Variants in THAP4 observed in about 807,000 individuals in gnomAD.
THAP4 encodes the protein THAP domain containing 4.
THAP4 carries 18 observed loss-of-function variants against 48.1 expected under a neutral mutation model. The observed-to-expected ratio is 0.37, with a 90% CI of 0.26 to 0.56. The LOEUF is 0.56. THAP4 is among the 20% of genes least tolerant of loss of function. The pLI, the probability that THAP4 is intolerant of heterozygous loss-of-function variation, is 0.78. For missense variants in THAP4, 656 were observed against 774.9 expected, an observed-to-expected ratio of 0.85 and a Z score of 1.82; for synonymous variants, 345 against 324.9, an observed-to-expected ratio of 1.06 and a Z score of -0.66.
chr2:241,607,078 C>T (rs1444690048), intron 2 of THAP4, among the ~76,000 whole-genome samples: 17 of 152,078 alleles, frequency 1.1e-4, no homozygotes, highest in Admixed American at 1.1e-3. Context: ...CCCCGCTTCC[C>T]TGAGGAGGGG....
chr2:241,636,064 G>A, intron 1 of THAP4, among the ~76,000 whole-genome samples: 1 of 152,088 alleles, frequency 6.6e-6, no homozygotes, highest in East Asian at 1.9e-4. Context: ...AAAACTTCTA[G>A]GACACAAGCT....
chr2:241,634,291 C>A (rs2067609814), intron 1 of THAP4, among the ~76,000 whole-genome samples: 1 of 152,222 alleles, frequency 6.6e-6, no homozygotes. Context: ...TCTACCCATA[C>A]AGAGCTTATA....
chr2:241,589,069 C>T (rs1002624154), intron 5 of THAP4, among the ~76,000 whole-genome samples: 3 of 151,980 alleles, frequency 2.0e-5, no homozygotes, highest in Non-Finnish European at 4.4e-5. Flanking sequence ...AAAAATTAGC[C>T]GGCCATGGTG....
At chr2:241,614,318 C>T (rs527778384) in intron 2 of THAP4, among the ~76,000 whole-genome samples, 3 of 152,214 alleles carry the variant, frequency 2.0e-5, no homozygotes, top group African/African-American at 7.2e-5. Context: ...CTTAGCATCA[C>T]GTAAAATGCA....
At chr2:241,604,369 G>A (rs1381778995) in intron 3 of THAP4, among the ~76,000 whole-genome samples, 25 of 152,016 alleles carry the variant, frequency 1.6e-4, no homozygotes. Flanking sequence ...TCCTGCCTCA[G>A]CCTTACCGAG....
At chr2:241,608,219 G>C (rs1180104754) in intron 2 of THAP4, among the ~76,000 whole-genome samples, 1 of 152,190 alleles carries the variant, frequency 6.6e-6, no homozygotes, top group Non-Finnish European at 1.5e-5. Flanking sequence ...GCCTGGCCCA[G>C]TGGCCGAGCC....
chr2:241,611,061 T>C (rs1448199370), intron 2 of THAP4, among the ~76,000 whole-genome samples: 2 of 151,564 alleles, frequency 1.3e-5, no homozygotes, highest in African/African-American at 4.9e-5. Context: ...TGAGGGAAAA[T>C]AGGTCACAGA....
rs369141633 is a variant in THAP4 at position 241,633,513 on chromosome 2, C to T, written c.644G>A (p.Gly215Asp). The T allele has an allele frequency of 6.2e-7, 1 of 1,614,122 alleles. No homozygotes were observed. Among genetic ancestry groups the T allele is most frequent in the Non-Finnish European group, 8.5e-7 (1 of 1,180,032 alleles). The change falls in exon 2 of 6, where the codon GGC (glycine) becomes GAC (aspartate). Residue 215 changes from glycine (G) to aspartate (D), a missense_variant. This residue lies in a region of THAP4 where 391 missense variants were observed against 412.4 expected (regional missense o/e 0.95). Coordinates refer to ENST00000407315, the MANE Select transcript of THAP4 (RefSeq NM_015963.6). The surrounding 1 kb of genome is among the most constrained non-coding windows in gnomAD (Gnocchi z 7.5). ...GGGCGTAAAGTCATCCATAGAAATGCCACTCTTATCTGTCACGCCCCCTTC... is the reference window on the plus strand; with the variant it reads ...GGGCGTAAAGTCATCCATAGAAATGTCACTCTTATCTGTCACGCCCCCTTC... ...SIEGGVTDKS[G>D]ISMDDFTPPG...
Position 241,601,147 on chromosome 2 carries a change from G to A in THAP4, c.1614+749C>T, listed in dbSNP as rs554437219. On this transcript the variant is annotated intron_variant, in intron 5 of 5. Transcript: ENST00000407315. This position sits in a 1 kb window ranked among gnomAD's most constrained non-coding sequence, Gnocchi z 4.0. ...TACAAAATTAGCCAGGCGTGGTGGC[G>A]CATGCCTGTAATCCCAGCTACCCAG... Among the ~76,000 whole-genome samples, 3 of 152,078 alleles carry A rather than the reference G, an allele frequency of 2.0e-5. No individual in the cohort carries two copies. The highest frequency in any genetic ancestry group is 7.2e-5 in the African/African-American group (3 of 41,470).
At chr2:241,589,225 G>GA (rs1466262412) in intron 5 of THAP4, among the ~76,000 whole-genome samples, 1 of 137,776 alleles carries the variant, frequency 7.3e-6, no homozygotes, top group Non-Finnish European at 1.5e-5. Flanking sequence ...AAAAAAAAAA[G>GA]AAAAAGAAAA....
chr2:241,591,121 G>C (rs1219611209), intron 5 of THAP4, among the ~76,000 whole-genome samples: 32 of 90,154 alleles, frequency 3.5e-4, no homozygotes, highest in South Asian at 2.4e-3. Flanking sequence ...GGCTGACGAT[G>C]ATGGGCACTA....
In THAP4 at chr2:241,633,407, A is replaced by C; in HGVS notation, c.750T>G (p.Ser250=). The change falls in exon 2 of 6, where the codon TCT becomes TCG. Residue 250 remains serine (S), a synonymous_variant. Transcript: ENST00000407315. The surrounding 1 kb of genome is among the most constrained non-coding windows in gnomAD (Gnocchi z 7.5). The part of the protein sequence containing the change: ...FSSKHTRERP[S]VPREPIDRKR... Reference sequence around the variant, plus strand: ...TGCGGTCAATGGGCTCTCGGGGGACAGATGGCCTTTCTCGGGTGTGCTTAG... The same window carrying C: ...TGCGGTCAATGGGCTCTCGGGGGACCGATGGCCTTTCTCGGGTGTGCTTAG... The C allele has an allele frequency of 6.2e-7, 1 of 1,613,586 alleles. No individual in the cohort carries two copies. The highest frequency in any genetic ancestry group is 8.5e-7 in the Non-Finnish European group (1 of 1,179,998).
intron 5 of THAP4, among the ~76,000 whole-genome samples, chr2:241,587,468 A>T (rs2066907923): frequency 6.6e-6 from 1 of 152,224 alleles, no homozygotes; most frequent in South Asian, 2.1e-4. Flanking sequence ...GGACTGAGCC[A>T]TGACACTGGC....
At chr2:241,609,349 T>C (rs1183488492) in intron 2 of THAP4, among the ~76,000 whole-genome samples, 2 of 152,018 alleles carry the variant, frequency 1.3e-5, no homozygotes, top group African/African-American at 4.8e-5. Flanking sequence ...CCTTGGGAGG[T>C]GTGAAACAGC....
chr2:241,608,676 G>T (rs1559225434), intron 2 of THAP4, among the ~76,000 whole-genome samples: 1 of 152,198 alleles, frequency 6.6e-6, no homozygotes, highest in Non-Finnish European at 1.5e-5. Flanking sequence ...GAAGCTGACG[G>T]AACAGTCATA....
chr2:241,586,692 G>A (rs1364087556), intron 5 of THAP4, among the ~76,000 whole-genome samples: 1 of 151,996 alleles, frequency 6.6e-6, no homozygotes, highest in African/African-American at 2.4e-5. Context: ...TTCTACAACT[G>A]AAAAACATAA....
chr2:241,633,859 T>C lies in THAP4; in HGVS notation c.298A>G (p.Thr100Ala). The C allele has an allele frequency of 6.2e-7, 1 of 1,613,728 alleles. No individual in the cohort carries two copies. The highest frequency in any genetic ancestry group is 1.1e-5 in the South Asian group (1 of 91,056). ...KKRGAGGHGR[T>A]RRKDASKATG... ...GCCTTGCTGGCATCTTTTCTCCGGG[T>C]GCGGCCATGGCCTCCAGCCCCCCTC... The change falls in exon 2 of 6, where the codon ACC (threonine) becomes GCC (alanine). Residue 100 changes from threonine to alanine, a missense_variant. Thr to Ala is a moderately conservative substitution (Grantham distance 58). Coordinates refer to ENST00000407315, the MANE Select transcript of THAP4 (RefSeq NM_015963.6). The surrounding 1 kb of genome is among the most constrained non-coding windows in gnomAD (Gnocchi z 7.5).
At chr2:241,622,345 C>T (rs541296319) in intron 2 of THAP4, among the ~76,000 whole-genome samples, 65 of 152,094 alleles carry the variant, frequency 4.3e-4, no homozygotes, top group Non-Finnish European at 8.2e-4. Flanking sequence ...CCCAGCCTGG[C>T]GACAGAGCAA....
chr2:241,603,502 G>T (rs544095946), intron 3 of THAP4, among the ~76,000 whole-genome samples: 42 of 146,896 alleles, frequency 2.9e-4, no homozygotes, highest in Admixed American at 2.1e-3. Context: ...CCGCACACCT[G>T]CCCGCCCCCT....
Sources: allele counts gnomAD v4.1 joint callset (sites outside exome capture counted in the v4.1 genomes callset), GRCh38; gene constraint gnomAD v4.1.1; regional missense constraint gnomAD v4.1.1; non-coding constraint Gnocchi (gnomAD v3.1); transcripts MANE v1.5; gene names NCBI Gene and HGNC (gene_info 2026-07-23, HGNC 2026-07-21).